DOCK8: variants seen among roughly 807,000 people sequenced by gnomAD.
DOCK8 encodes dedicator of cytokinesis protein 8.
In DOCK8, 141 loss-of-function variants were observed where a neutral mutation model predicts 245.6. The observed-to-expected ratio is 0.57, with a 90% confidence interval of 0.50 to 0.66. The LOEUF is 0.66. Among genes scored for constraint, DOCK8 ranks in the 30% least tolerant of loss-of-function variants. The pLI is 0.00. For missense variants in DOCK8, 2,965 were observed against 2,603.4 expected (o/e 1.14, Z -3.02); for synonymous variants, 1,168 against 970.2 (o/e 1.20, Z -3.79).
chr9:245,835 A>G (rs1444969826), intron 1 of DOCK8, among the ~76,000 whole-genome samples: 2 of 152,242 alleles, frequency 1.3e-5, no homozygotes, highest in African/African-American at 4.8e-5. Context: ...CAAGATGTAG[A>G]TGCTAAAACT....
At chr9:358,277 T>C (rs2052544784) in intron 14 of DOCK8, among the ~76,000 whole-genome samples, 1 of 151,994 alleles carries the variant, frequency 6.6e-6, no homozygotes, top group Non-Finnish European at 1.5e-5. Flanking sequence ...GTTGTACAGA[T>C]GGGGTCTCAC....
intron 7 of DOCK8, among the ~76,000 whole-genome samples, chr9:318,733 G>A (rs1372190633): frequency 1.3e-5 from 2 of 152,226 alleles, no homozygotes; most frequent in Non-Finnish European, 2.9e-5. Flanking sequence ...TTCCTCATCT[G>A]TCTGGTTGGC....
At chr9:224,156 A>C (rs2046941643) in intron 1 of DOCK8, among the ~76,000 whole-genome samples, 1 of 152,202 alleles carries the variant, frequency 6.6e-6, no homozygotes, top group African/African-American at 2.4e-5. Flanking sequence ...GAAACTATAA[A>C]GAACAACGGT....
chr9:428,422 A>G lies in DOCK8; in HGVS notation c.4399A>G (p.Asn1467Asp). 6.2e-7 allele frequency: 1 copy of G among 1,614,176 alleles called. No homozygotes were observed. The highest frequency in any genetic ancestry group is 1.6e-4 in the Middle Eastern group (1 of 6,062). ...GGGAGGTGTTCTGAGGGTGCTGGTG[A>G]ATTCTCTGAACTGTGATCAGAGTAC... ...LLGGVLRVLV[N>D]SLNCDQSTTY... Residue 1467 changes from asparagine to aspartate, a missense_variant, in exon 35 of 48, where the codon AAT becomes GAT. Physicochemically the swap from Asn to Asp is conservative, Grantham distance 23. Transcript: ENST00000432829.
intron 42 of DOCK8, 134 bp from the exon 43 acceptor site, chr9:443,293 C>A: frequency 2.3e-6 from 2 of 858,100 alleles, no homozygotes; most frequent in Non-Finnish European, 1.9e-6. Flanking sequence ...TGCTCATTAG[C>A]TCAGAGGAAC....
At chr9:443,330 A>T in intron 42 of DOCK8, 97 bp from the exon 43 acceptor site, 1 of 1,134,710 alleles carries the variant, frequency 8.8e-7, no homozygotes, top group South Asian at 1.2e-5. Flanking sequence ...ACATCATTCT[A>T]CCTTGCACTT....
At chr9:248,633 C>A (rs1197740173) in intron 1 of DOCK8, among the ~76,000 whole-genome samples, 1 of 150,464 alleles carries the variant, frequency 6.6e-6, no homozygotes, top group Non-Finnish European at 1.5e-5. Context: ...TTCTATCTTT[C>A]TTACTTTTGA....
At chr9:425,437 C>G (rs1400501665) in intron 33 of DOCK8, among the ~76,000 whole-genome samples, 1 of 150,044 alleles carries the variant, frequency 6.7e-6, no homozygotes, top group Non-Finnish European at 1.5e-5. Flanking sequence ...GAGGCTGAAG[C>G]AGGAGAATGG....
In DOCK8 at chr9:418,055, G is replaced by A. The variant is rs1170861510; in HGVS notation, c.3701-13G>A. On this transcript the variant is annotated splice_polypyrimidine_tract_variant and intron_variant, in intron 29 of 47. Transcript: ENST00000432829. ...TGTTTGACTTGACATCACAAACGAT[G>A]TTTTCATTGCAGTTGCAGATACTCG... 3.7e-6 allele frequency: 6 copies of A among 1,614,058 alleles called. No homozygotes were observed. The highest frequency in any genetic ancestry group is 1.3e-5 in the African/African-American group (1 of 74,934).
chr9:298,898 TA>T lies in DOCK8; in HGVS notation c.405-5669del, dbSNP rs531586561. The stretch of plus-strand genomic sequence containing the variant: ...ATACCCTTTAAAATGTACAAGTCCT[TA>T]AAAAAAAAAAAAAGGCAAAGGGCAA... On this transcript the variant is annotated intron_variant, in intron 4 of 47. Coordinates refer to ENST00000432829, the MANE Select transcript of DOCK8 (RefSeq NM_203447.4). Among the ~76,000 whole-genome samples, 839 of 138,852 alleles carry T rather than the reference TA, an allele frequency of 6.0e-3. 3 individuals carry two copies. The highest frequency in any genetic ancestry group is 0.01 in the African/African-American group (399 of 38,068). 91.1% of individuals were successfully genotyped at this position (138,852 alleles called of 152,430 possible).
chr9:459,551 C>T (rs1477380845), intron 46 of DOCK8, among the ~76,000 whole-genome samples: 1 of 152,182 alleles, frequency 6.6e-6, no homozygotes, highest in African/African-American at 2.4e-5. Context: ...CATTTCTACT[C>T]CTGATACTTG....
chr9:226,626 A>G (rs2046995198), intron 1 of DOCK8, among the ~76,000 whole-genome samples: 1 of 151,906 alleles, frequency 6.6e-6, no homozygotes, highest in African/African-American at 2.4e-5. Flanking sequence ...ATGAAAAACA[A>G]AAAAAAAGAG....
intron 1 of DOCK8, among the ~76,000 whole-genome samples, chr9:251,546 C>G (rs2047645958): frequency 6.6e-6 from 1 of 152,042 alleles, no homozygotes; most frequent in Admixed American, 6.5e-5. Context: ...AGGAAAATAC[C>G]AGAAGTTTCA....
intron 47 of DOCK8, 139 bp downstream of exon 47, chr9:463,826 G>C: frequency 2.9e-6 from 3 of 1,017,290 alleles, no homozygotes; most frequent in Non-Finnish European, 4.5e-6. Flanking sequence ...AGTCAGAGAG[G>C]CTACCAGAGT....
intron 15 of DOCK8, 176 bp from the exon 16 acceptor site, chr9:370,054 C>T (rs897513797): frequency 3.8e-5 from 25 of 650,396 alleles, no homozygotes; most frequent in South Asian, 1.2e-4. Flanking sequence ...TCTCCCACGC[C>T]GACCTCCCAG....
At chr9:230,079 G>T (rs1046806092) in intron 1 of DOCK8, among the ~76,000 whole-genome samples, 10 of 112,410 alleles carry the variant, frequency 8.9e-5, no homozygotes, top group African/African-American at 3.6e-4. Context: ...AACAGTCCCC[G>T]GTGTGTGATA....
chr9:299,350 A>T (rs2049419618), intron 4 of DOCK8, among the ~76,000 whole-genome samples: 1 of 152,154 alleles, frequency 6.6e-6, no homozygotes, highest in African/African-American at 2.4e-5. Context: ...AATAACTGTT[A>T]ATGGACAATC....
rs1210191304 is a variant in DOCK8 at position 403,908 on chromosome 9, A to C, written c.3235-1010A>C. On this transcript the variant is annotated intron_variant, in intron 26 of 47. Coordinates refer to ENST00000432829, the MANE Select transcript of DOCK8 (RefSeq NM_203447.4). ...TCTCTCTCTCTATATATATATATAT[A>C]TATATATACATATATATATATGTGT... is the stretch of plus-strand genomic sequence containing the variant. 6.8e-3 allele frequency among the ~76,000 whole-genome samples: 589 copies of C among 86,784 alleles called. 3 individuals carry two copies. Among genetic ancestry groups the C allele is most frequent in the Non-Finnish European group, 7.2e-3 (364 of 50,622 alleles). 56.9% of individuals were successfully genotyped at this position (86,784 alleles called of 152,430 possible). A position where few individuals can be genotyped will look rare whatever the true frequency, so the allele number is the denominator to read the frequency against.
intron 46 of DOCK8, among the ~76,000 whole-genome samples, chr9:455,834 T>C (rs997808804): frequency 1.4e-5 from 2 of 147,840 alleles, no homozygotes; most frequent in Non-Finnish European, 3.0e-5. Context: ...TAAATCTCAA[T>C]AAAATTATGT....
Sources: gnomAD v4.1 joint callset for allele counts (sites outside exome capture counted in the v4.1 genomes callset) on GRCh38, gnomAD v4.1.1 for gene constraint, MANE v1.5 for transcripts, NCBI Gene and HGNC (gene_info 2026-07-23, HGNC 2026-07-21) for gene names.